CNTN4: variants seen among roughly 807,000 people sequenced by gnomAD.
CNTN4 encodes contactin-4.
In CNTN4, 77 loss-of-function variants were observed where a neutral mutation model predicts 122.5. The observed-to-expected ratio is 0.63, with a 90% confidence interval of 0.52 to 0.76. The LOEUF (loss-of-function observed/expected upper bound fraction) is 0.76, where lower values mean the gene tolerates loss of function less well. Among genes scored for constraint, CNTN4 ranks in the 30% least tolerant of loss-of-function variants. CNTN4 has a pLI of 0.00. For missense variants in CNTN4, 1,256 were observed against 1,259.1 expected, an observed-to-expected ratio of 1.00 and a Z score of 0.04; for synonymous variants, 512 against 447.0, an observed-to-expected ratio of 1.15 and a Z score of -1.83.
intron 7 of CNTN4, among the ~76,000 whole-genome samples, chr3:2,860,439 C>G (rs2093659919): frequency 6.6e-6 from 1 of 152,170 alleles, no homozygotes. Context: ...TGGTCCTGCT[C>G]ATTGCTTGGG....
intron 4 of CNTN4, among the ~76,000 whole-genome samples, chr3:2,727,807 C>A (rs1381405025): frequency 1.3e-5 from 2 of 152,146 alleles, no homozygotes; most frequent in Non-Finnish European, 2.9e-5. Flanking sequence ...TCACTTTGTG[C>A]CTTCAGACAT....
chr3:2,516,225 C>G (rs116128724), intron 3 of CNTN4, among the ~76,000 whole-genome samples: 2,027 of 151,968 alleles, frequency 0.013, 41 homozygotes, highest in African/African-American at 0.042. Flanking sequence ...TTTTCCAAAT[C>G]TCATAAAACT....
intron 2 of CNTN4, among the ~76,000 whole-genome samples, chr3:2,331,677 A>G (rs778135918): frequency 2.0e-5 from 3 of 152,178 alleles, no homozygotes; most frequent in African/African-American, 7.2e-5. Flanking sequence ...GGAATGGCCA[A>G]CAGGGAGATT....
intron 2 of CNTN4, among the ~76,000 whole-genome samples, chr3:2,151,326 G>A (rs996760657): frequency 6.6e-6 from 1 of 152,144 alleles, no homozygotes; most frequent in Non-Finnish European, 1.5e-5. Context: ...ATGAGGAAGT[G>A]GTATGTGGAC....
intron 3 of CNTN4, among the ~76,000 whole-genome samples, chr3:2,436,591 G>A (rs1297511019): frequency 6.6e-6 from 1 of 152,006 alleles, no homozygotes; most frequent in East Asian, 1.9e-4. Context: ...GAAATAGGGT[G>A]TTAGAAAGGA....
At chr3:3,050,541 A>G (rs1020404285) in intron 23 of CNTN4, among the ~76,000 whole-genome samples, 11 of 151,996 alleles carry the variant, frequency 7.2e-5, no homozygotes, top group African/African-American at 2.4e-4. Context: ...AGGTGGGTGG[A>G]TCACCTGAGG....
In CNTN4 at chr3:2,769,464, CA is replaced by C. The variant is rs71058643; in HGVS notation, c.358+23781del. 6.0e-3 allele frequency among the ~76,000 whole-genome samples: 820 copies of C among 137,008 alleles called. 6 individuals are homozygous for C. Among genetic ancestry groups the C allele is most frequent in the African/African-American group, 0.021 (753 of 36,686 alleles). The allele number at this position is 137,008 out of a possible 152,430, so 89.9% of individuals were successfully genotyped here. On this transcript the variant is annotated intron_variant, in intron 6 of 24. Transcript: ENST00000418658. ...TGGGCAACAGAGTGAGACTCTGTCTCAAAAAAAAAAAAAACAGAAACAAAAC... is the reference window on the plus strand; with the variant it reads ...TGGGCAACAGAGTGAGACTCTGTCTCAAAAAAAAAAAAACAGAAACAAAAC...
chr3:2,209,437 A>C (rs950796925), intron 2 of CNTN4, among the ~76,000 whole-genome samples: 2 of 152,124 alleles, frequency 1.3e-5, no homozygotes, highest in African/African-American at 2.4e-5. Flanking sequence ...TTTATAGATG[A>C]TGAAACTAAG....
At chr3:2,121,027 A>C (rs944558512) in intron 2 of CNTN4, among the ~76,000 whole-genome samples, 2 of 152,084 alleles carry the variant, frequency 1.3e-5, no homozygotes, top group Non-Finnish European at 2.9e-5. Flanking sequence ...ATCTGAAGCC[A>C]CTTGAAAGTC....
chr3:2,338,129 T>C (rs1371364788), intron 2 of CNTN4, among the ~76,000 whole-genome samples: 2 of 152,074 alleles, frequency 1.3e-5, no homozygotes, highest in Non-Finnish European at 2.9e-5. Context: ...GTATTTGTTT[T>C]AGGGGTATAT....
chr3:2,397,591 T>G (rs889388021), intron 3 of CNTN4, among the ~76,000 whole-genome samples: 5 of 152,232 alleles, frequency 3.3e-5, no homozygotes, highest in Non-Finnish European at 7.4e-5. Context: ...GCAGCTAATG[T>G]TGCAAACGCC....
At chr3:2,100,148 G>C (rs1334889656) in intron 1 of CNTN4, among the ~76,000 whole-genome samples, 1 of 152,178 alleles carries the variant, frequency 6.6e-6, no homozygotes, top group African/African-American at 2.4e-5. Context: ...GTGGAGGAGA[G>C]TGGGCCGGAT....
At chr3:2,524,139 A>G (rs1286819479) in intron 3 of CNTN4, among the ~76,000 whole-genome samples, 1 of 152,070 alleles carries the variant, frequency 6.6e-6, no homozygotes, top group East Asian at 1.9e-4. Flanking sequence ...ACCTGTTCAC[A>G]GTCGCTTCCC....
chr3:2,510,431 G>C (rs960621427), intron 3 of CNTN4, among the ~76,000 whole-genome samples: 5 of 150,022 alleles, frequency 3.3e-5, no homozygotes, highest in African/African-American at 7.3e-5. Context: ...TTAGAACTCA[G>C]ATTTCTGACT....
chr3:2,526,436 G>A (rs1018905716), intron 3 of CNTN4, among the ~76,000 whole-genome samples: 1 of 152,008 alleles, frequency 6.6e-6, no homozygotes, highest in Non-Finnish European at 1.5e-5. Context: ...CCTAGTATCT[G>A]TAATTGCTAA....
chr3:2,308,574 G>T (rs2042802012), intron 2 of CNTN4, among the ~76,000 whole-genome samples: 1 of 151,868 alleles, frequency 6.6e-6, no homozygotes, highest in East Asian at 1.9e-4. Flanking sequence ...TTAAGTTTTG[G>T]CATATTCTGT....
At chr3:2,381,313 G>T (rs1158214567) in intron 3 of CNTN4, among the ~76,000 whole-genome samples, 11 of 151,908 alleles carry the variant, frequency 7.2e-5, no homozygotes, top group Non-Finnish European at 4.4e-5. Context: ...GCCTTGTTTT[G>T]TTTTTTCTAG....
intron 5 of CNTN4, among the ~76,000 whole-genome samples, chr3:2,739,983 G>C (rs2089364720): frequency 6.6e-6 from 1 of 152,182 alleles, no homozygotes; most frequent in Admixed American, 6.5e-5. Context: ...TTTAGAAAAA[G>C]AATGAAGGTG....
intron 2 of CNTN4, among the ~76,000 whole-genome samples, chr3:2,179,412 T>C (rs1317834525): frequency 6.6e-6 from 1 of 152,012 alleles, no homozygotes; most frequent in African/African-American, 2.4e-5. Context: ...TTAGATTTCA[T>C]TAATACAATA....
Sources: allele counts gnomAD v4.1 joint callset (sites outside exome capture counted in the v4.1 genomes callset), GRCh38; gene constraint gnomAD v4.1.1; transcripts MANE v1.5; gene names NCBI Gene and HGNC (gene_info 2026-07-23, HGNC 2026-07-21).